Variants in COL26A1 observed in about 807,000 individuals in gnomAD.
COL26A1 encodes collagen type XXVI alpha 1 chain, also known as collagen alpha-1(XXVI) chain.
In COL26A1, 41 loss-of-function variants were observed where a neutral mutation model predicts 59.3. The ratio of observed to expected loss-of-function variants is 0.69; its 90% CI spans 0.54 to 0.90. The LOEUF (loss-of-function observed/expected upper bound fraction) is 0.90. COL26A1 is among the 40% of genes least tolerant of loss of function. The pLI is 0.00. For missense variants in COL26A1, 612 were observed against 602.3 expected, an observed-to-expected ratio of 1.02 and a Z score of -0.17; for synonymous variants, 266 against 256.0, an observed-to-expected ratio of 1.04 and a Z score of -0.37.
At chr7:101,475,600 G>A (rs1431219643) in intron 3 of COL26A1, among the ~76,000 whole-genome samples, 4 of 151,932 alleles carry the variant, frequency 2.6e-5, no homozygotes, top group Non-Finnish European at 5.9e-5. Context: ...CGGGCTGGAC[G>A]CGAGTGTGTG....
At chr7:101,488,237 C>T (rs183522854) in intron 3 of COL26A1, among the ~76,000 whole-genome samples, 38 of 149,506 alleles carry the variant, frequency 2.5e-4, no homozygotes, top group Non-Finnish European at 5.3e-4. Context: ...GCTAAGATCG[C>T]GCCACTACAC....
At chr7:101,538,900 T>A (rs1393898820) in intron 4 of COL26A1, among the ~76,000 whole-genome samples, 13 of 152,182 alleles carry the variant, frequency 8.5e-5, no homozygotes, top group Admixed American at 8.5e-4. Flanking sequence ...GCCCAGCAGG[T>A]CCTTCACGCC....
chr7:101,471,567 GTTTGTTTTTTTT>G (rs1228438789), intron 3 of COL26A1, among the ~76,000 whole-genome samples: 2 of 112,386 alleles, frequency 1.8e-5, no homozygotes, highest in South Asian at 3.0e-4. Context: ...TGTTGTTGTT[GTTTGTTTTTTTT>G]TTTTTTTTTT....
chr7:101,433,876 A>C (rs1426348125), intron 2 of COL26A1, among the ~76,000 whole-genome samples: 1 of 152,116 alleles, frequency 6.6e-6, no homozygotes, highest in Non-Finnish European at 1.5e-5. Flanking sequence ...CTCTGTCCTC[A>C]TCTCATTATT....
intron 3 of COL26A1, among the ~76,000 whole-genome samples, chr7:101,501,886 G>A (rs1035207332): frequency 4.6e-5 from 7 of 152,122 alleles, no homozygotes; most frequent in African/African-American, 1.7e-4. Context: ...CATGGGCCCT[G>A]TGTATACATG....
chr7:101,402,605 CCTTT>C (rs1173242979), intron 1 of COL26A1, among the ~76,000 whole-genome samples: 1 of 149,764 alleles, frequency 6.7e-6, no homozygotes, highest in Non-Finnish European at 1.5e-5. Flanking sequence ...TTCCTTCTTT[CCTTT>C]CTTCTCTTTC....
chr7:101,549,871 C>T lies in COL26A1; in HGVS notation c.993+648C>T, dbSNP rs1421144955. Among the ~76,000 whole-genome samples, 3 of 152,170 alleles carry T rather than the reference C, an allele frequency of 2.0e-5. No individual in the cohort carries two copies. The East Asian group carries it at 5.8e-4, about 29-fold the overall frequency. ...CCAGGTCACAGAATCTCTGCCTCAG[C>T]CCCTCACCTTGCCCTGAGAATTGCC... is the stretch of plus-strand genomic sequence containing the variant. On this transcript the variant is annotated intron_variant, in intron 9 of 12. Coordinates refer to ENST00000313669, the MANE Select transcript of COL26A1 (RefSeq NM_001278563.3).
intron 2 of COL26A1, among the ~76,000 whole-genome samples, chr7:101,432,036 C>G (rs1416273943): frequency 6.6e-6 from 1 of 150,562 alleles, no homozygotes; most frequent in Non-Finnish European, 1.5e-5. Flanking sequence ...TCTTGGCTCA[C>G]TGTAACAGTT....
In COL26A1 at chr7:101,553,814, G is replaced by T. The variant is rs188445390; in HGVS notation, c.1080+438G>T. ...GAAGGGGACAGGGCTGCTGGATGTG[G>T]TAGAGGATGGATGGAGGAAGAGGGA... On this transcript the variant is annotated intron_variant, in intron 11 of 12. Coordinates refer to ENST00000313669, the MANE Select transcript of COL26A1 (RefSeq NM_001278563.3). Among the ~76,000 whole-genome samples, 117 of 152,248 alleles carry T rather than the reference G, an allele frequency of 7.7e-4. No individual in the cohort carries two copies. The East Asian group carries it at 0.016, about 21-fold the overall frequency.
intron 1 of COL26A1, among the ~76,000 whole-genome samples, chr7:101,418,879 G>GCTGC (rs1187577689): frequency 6.6e-6 from 1 of 151,856 alleles, no homozygotes; most frequent in Non-Finnish European, 1.5e-5. Context: ...GCCCAAGCTT[G>GCTGC]CTGCCCCTTG....
rs535711320 is a variant in COL26A1 at position 101,449,320 on chromosome 7, C to T, written c.385+1533C>T. Among the ~76,000 whole-genome samples the T allele has an allele frequency of 1.7e-4, 26 of 152,304 alleles. No individual in the cohort carries two copies. In the South Asian group the frequency reaches 2.9e-3, roughly 17 times the overall value. ...GACTTGGACCTGCCATTCTGGTCAG[C>T]GCCACGGCTGTGGACACAGCCATCT... On this transcript the variant is annotated intron_variant, in intron 3 of 12. Coordinates refer to ENST00000313669, the MANE Select transcript of COL26A1 (RefSeq NM_001278563.3).
chr7:101,537,254 G>C (rs911812700), intron 4 of COL26A1, among the ~76,000 whole-genome samples: 20 of 152,160 alleles, frequency 1.3e-4, no homozygotes, highest in African/African-American at 4.8e-4. Context: ...AGGCCAGCAG[G>C]GTACCGGGGA....
intron 1 of COL26A1, among the ~76,000 whole-genome samples, chr7:101,375,294 C>T (rs529798940): frequency 6.6e-6 from 1 of 152,136 alleles, no homozygotes; most frequent in East Asian, 1.9e-4. Context: ...AGAACAATGT[C>T]TAGTATGTGC....
chr7:101,425,416 A>T (rs1792620887), intron 2 of COL26A1, among the ~76,000 whole-genome samples: 1 of 152,132 alleles, frequency 6.6e-6, no homozygotes, highest in Non-Finnish European at 1.5e-5. Context: ...TGTGTTCCCC[A>T]TACCTGGCTT....
At chr7:101,466,015 G>T (rs2097907) in intron 3 of COL26A1, among the ~76,000 whole-genome samples, 1 of 151,920 alleles carries the variant, frequency 6.6e-6, no homozygotes, top group East Asian at 1.9e-4. Flanking sequence ...AGATGACTCA[G>T]TTTCCCAGCT....
chr7:101,421,804 A>G (rs993251997), intron 2 of COL26A1, among the ~76,000 whole-genome samples: 15 of 152,132 alleles, frequency 9.9e-5, no homozygotes, highest in Non-Finnish European at 2.1e-4. Context: ...TTTTAAACCT[A>G]TACGAACATC....
Position 101,438,903 on chromosome 7 carries a change from C to G in COL26A1, c.282-8781C>G, listed in dbSNP as rs117962816. On this transcript the variant is annotated intron_variant, in intron 2 of 12. Transcript: ENST00000313669. ...TTCACCATGTTTGTCAGGCTGGTCTCGAACTCCAAGACGATCCACCCGTCT... is the reference window on the plus strand; with the variant it reads ...TTCACCATGTTTGTCAGGCTGGTCTGGAACTCCAAGACGATCCACCCGTCT... 4.5e-4 allele frequency among the ~76,000 whole-genome samples: 69 copies of G among 152,156 alleles called. 3 individuals are homozygous for G. Among genetic ancestry groups the G allele is most frequent in the Middle Eastern group, 3.4e-3 (1 of 294 alleles).
intron 2 of COL26A1, among the ~76,000 whole-genome samples, chr7:101,445,548 G>A (rs1349802474): frequency 2.1e-5 from 3 of 140,176 alleles, no homozygotes; most frequent in African/African-American, 5.5e-5. Flanking sequence ...CGGCTAAAAC[G>A]GTGAAACCCC....
intron 1 of COL26A1, among the ~76,000 whole-genome samples, chr7:101,406,537 A>G (rs1237724014): frequency 2.0e-5 from 3 of 152,236 alleles, no homozygotes; most frequent in African/African-American, 7.2e-5. Flanking sequence ...GGCTATGGCC[A>G]TGAGCACCTT....
Sources: allele counts gnomAD v4.1 joint callset (sites outside exome capture counted in the v4.1 genomes callset), GRCh38; gene constraint gnomAD v4.1.1; transcripts MANE v1.5; gene names NCBI Gene and HGNC (gene_info 2026-07-23, HGNC 2026-07-21).